Variants in NT5C3A observed in about 807,000 individuals in gnomAD.
NT5C3A encodes 5'-nucleotidase, cytosolic IIIA, also known as cytosolic 5'-nucleotidase 3A.
Under a neutral mutation model 40.0 loss-of-function variants are expected in NT5C3A, and 23 were observed. The observed-to-expected ratio is 0.58, with a 90% CI of 0.41 to 0.81. The LOEUF (loss-of-function observed/expected upper bound fraction) is 0.81, where lower values mean the gene tolerates loss of function less well. NT5C3A is among the 40% of genes least tolerant of loss of function. The pLI, the probability that NT5C3A is intolerant of heterozygous loss-of-function variation, is 0.00. For missense variants in NT5C3A, 328 were observed against 403.0 expected (o/e 0.81, Z 1.59); for synonymous variants, 130 against 141.4 (o/e 0.92, Z 0.57).
At chr7:33,034,401 T>C (rs1786466470) in intron 1 of NT5C3A, among the ~76,000 whole-genome samples, 1 of 152,120 alleles carries the variant, frequency 6.6e-6, no homozygotes, top group Admixed American at 6.6e-5. Flanking sequence ...ACATTGTTTA[T>C]ATGTCAGGGA....
chr7:33,034,943 T>C (rs1442081789), intron 1 of NT5C3A, among the ~76,000 whole-genome samples: 3 of 152,214 alleles, frequency 2.0e-5, no homozygotes, highest in African/African-American at 7.2e-5. Flanking sequence ...ATTTTATCAC[T>C]GTGAATATGG....
chr7:33,016,116 C>T (rs1785312419), intron 7 of NT5C3A, among the ~76,000 whole-genome samples: 1 of 152,128 alleles, frequency 6.6e-6, no homozygotes, highest in Non-Finnish European at 1.5e-5. Context: ...GGGCTCACAC[C>T]TGTAATCCCA....
chr7:33,014,657 T>C lies in NT5C3A; in HGVS notation c.*73A>G, dbSNP rs756376932. 1.3e-5 allele frequency: 20 copies of C among 1,587,742 alleles called. No individual in the cohort carries two copies. The highest frequency in any genetic ancestry group is 1.6e-5 in the Non-Finnish European group (19 of 1,164,490). ...AGAGTAAGGATATATTATAAATAAG[T>C]CTCTCAGCAAGATGAACGGATGAAC... On this transcript the variant is annotated 3_prime_UTR_variant, in exon 9 of 9. Transcript: ENST00000610140.
intron 6 of NT5C3A, among the ~76,000 whole-genome samples, chr7:33,017,812 T>G (rs1785420203): frequency 6.6e-6 from 1 of 152,260 alleles, no homozygotes. Context: ...TAATCAATTC[T>G]AATACTACAA....
intron 1 of NT5C3A, among the ~76,000 whole-genome samples, chr7:33,058,207 T>C (rs1562606467): frequency 1.3e-5 from 2 of 152,156 alleles, no homozygotes; most frequent in Admixed American, 1.3e-4. Context: ...AAAAATCAGA[T>C]TAACTGGATA....
chr7:33,037,469 T>C (rs1786672038), intron 1 of NT5C3A, among the ~76,000 whole-genome samples: 2 of 152,248 alleles, frequency 1.3e-5, no homozygotes, highest in South Asian at 4.1e-4. Context: ...AGAACATATC[T>C]GACTTTTTCT....
rs78865266 is a variant in NT5C3A at position 33,042,776 on chromosome 7, A to G, written c.139-15861T>C. On this transcript the variant is annotated intron_variant, in intron 1 of 8. Transcript: ENST00000610140. ...AATTTTGTGTCTAGAAATTTTTCCT[A>G]AAGAAATTAGGCAGTACACAAAACT... 3.2e-3 allele frequency among the ~76,000 whole-genome samples: 485 copies of G among 152,318 alleles called. 1 individual carries two copies. The highest frequency in any genetic ancestry group is 0.011 in the African/African-American group (460 of 41,572).
intron 1 of NT5C3A, among the ~76,000 whole-genome samples, chr7:33,039,877 C>A (rs189640799): frequency 5.3e-4 from 81 of 152,028 alleles, no homozygotes; most frequent in African/African-American, 1.9e-3. Flanking sequence ...ACCAATTTTC[C>A]CAAATGGTAA....
chr7:33,033,897 T>C (rs145306296), intron 1 of NT5C3A, among the ~76,000 whole-genome samples: 1 of 53,190 alleles, frequency 1.9e-5, no homozygotes, highest in Non-Finnish European at 4.5e-5. Flanking sequence ...TATATATAAT[T>C]TTTTTTTTTT....
chr7:33,041,003 CG>C (rs1347969171), intron 1 of NT5C3A: 3 of 985,336 alleles, frequency 3.0e-6, no homozygotes, highest in African/African-American at 3.5e-5. Context: ...AACCTTGTGA[CG>C]CACTGCTGCA....
At chr7:33,020,474 G>C (rs1027707851) in intron 5 of NT5C3A, among the ~76,000 whole-genome samples, 6 of 152,076 alleles carry the variant, frequency 3.9e-5, no homozygotes, top group Non-Finnish European at 7.4e-5. Context: ...CATTTCTCAT[G>C]CTGAAATCAA....
intron 1 of NT5C3A, among the ~76,000 whole-genome samples, chr7:33,053,712 T>G (rs1351599653): frequency 6.6e-6 from 1 of 151,990 alleles, no homozygotes; most frequent in East Asian, 1.9e-4. Context: ...AGTAATGGCT[T>G]TTAGTCAGAA....
intron 7 of NT5C3A, among the ~76,000 whole-genome samples, chr7:33,016,854 T>G (rs766407438): frequency 2.6e-5 from 4 of 152,094 alleles, no homozygotes; most frequent in Non-Finnish European, 5.9e-5. Flanking sequence ...ACTATGAATG[T>G]TAAGGCTTCA....
In NT5C3A at chr7:33,062,727, C is replaced by A; in HGVS notation, c.-22G>T. On this transcript the variant is annotated 5_prime_UTR_variant, in exon 1 of 9. Coordinates refer to ENST00000610140, the MANE Select transcript of NT5C3A (RefSeq NM_001002010.5). ...CCATGGACGGGGCCCTCATGCGCGT[C>A]CAAGCAGGAAAAAAACAGGCAGCTC... The A allele has an allele frequency of 6.4e-7, 1 of 1,552,912 alleles. No homozygotes were observed. The highest frequency in any genetic ancestry group is 1.2e-5 in the South Asian group (1 of 84,592).
chr7:33,029,657 G>A (rs757525881), intron 1 of NT5C3A: 6 of 1,289,966 alleles, frequency 4.7e-6, no homozygotes, highest in Admixed American at 2.3e-5. Context: ...TCAAGTTTTT[G>A]ATAACGGATA....
At chr7:33,057,996 G>A (rs1221731821) in intron 1 of NT5C3A, among the ~76,000 whole-genome samples, 1 of 152,156 alleles carries the variant, frequency 6.6e-6, no homozygotes, top group Non-Finnish European at 1.5e-5. Flanking sequence ...AAGGATATTA[G>A]AATAACTGAA....
chr7:33,060,735 G>A (rs779406565), intron 1 of NT5C3A, among the ~76,000 whole-genome samples: 4 of 152,102 alleles, frequency 2.6e-5, no homozygotes, highest in Non-Finnish European at 5.9e-5. Context: ...AGGGAGGAGG[G>A]CAGAGGATGG....
intron 1 of NT5C3A, chr7:33,027,137 C>T: frequency 1.4e-5 from 6 of 430,514 alleles, no homozygotes; most frequent in South Asian, 4.5e-5. Context: ...TGGCACAATC[C>T]TAGCTCACCG....
intron 6 of NT5C3A, among the ~76,000 whole-genome samples, chr7:33,018,834 A>G (rs1336829912): frequency 6.7e-6 from 1 of 149,772 alleles, no homozygotes; most frequent in Admixed American, 6.7e-5. Flanking sequence ...ACTCCATCTC[A>G]AAAAAAAAAG....
Sources: allele counts gnomAD v4.1 joint callset (sites outside exome capture counted in the v4.1 genomes callset), GRCh38; gene constraint gnomAD v4.1.1; transcripts MANE v1.5; gene names NCBI Gene and HGNC (gene_info 2026-07-23, HGNC 2026-07-21).